Variants in CAMK2B observed in about 807,000 individuals in gnomAD.
CAMK2B encodes the protein calcium/calmodulin dependent protein kinase II beta, also known as calcium/calmodulin-dependent protein kinase type II subunit beta.
Under a neutral mutation model 93.7 loss-of-function variants are expected in CAMK2B, and 27 were observed. That is an observed-to-expected ratio of 0.29 (90% CI 0.21 to 0.40). CAMK2B has a LOEUF of 0.40. Ranked by LOEUF, CAMK2B falls within the 10% of genes least tolerant of loss-of-function variation. CAMK2B has a pLI of 1.00. For synonymous variants in CAMK2B, 374 were observed against 358.8 expected (o/e 1.04, Z -0.48); for missense variants, 568 against 895.8 (o/e 0.63, Z 4.67).
At chr7:44,310,916 C>T (rs995249711) in intron 1 of CAMK2B, among the ~76,000 whole-genome samples, 1 of 152,124 alleles carries the variant, frequency 6.6e-6, no homozygotes, top group Non-Finnish European at 1.5e-5. Flanking sequence ...GAACTGTACA[C>T]TTAAAAACGG....
At chr7:44,243,040 G>A (rs1001843784) in intron 8 of CAMK2B, among the ~76,000 whole-genome samples, 2 of 152,234 alleles carry the variant, frequency 1.3e-5, no homozygotes, top group African/African-American at 2.4e-5. Context: ...ACTGGGGTGC[G>A]CCAGGTTCAT....
At chr7:44,258,329 A>C (rs965146921) in intron 4 of CAMK2B, among the ~76,000 whole-genome samples, 2 of 152,208 alleles carry the variant, frequency 1.3e-5, no homozygotes, top group African/African-American at 4.8e-5. Flanking sequence ...TCACTCATAC[A>C]TTCACACAAT....
rs1010746689 is a variant in CAMK2B at position 44,224,145 on chromosome 7, T to A, written c.1597+2371A>T. Among the ~76,000 whole-genome samples the A allele has an allele frequency of 2.6e-5, 4 of 151,714 alleles. No homozygotes were observed. Among genetic ancestry groups the A allele is most frequent in the Non-Finnish European group, 4.4e-5 (3 of 67,906 alleles). On this transcript the variant is annotated intron_variant, in intron 20 of 23. Transcript: ENST00000395749. This position sits in a 1 kb window ranked among gnomAD's most constrained non-coding sequence, Gnocchi z 4.4. ...GCATGGTCAGAGTTCCAATCAAGAGTGGTAACCGTGCTGAAGTACGGGAAG... is the reference window on the plus strand; with the variant it reads ...GCATGGTCAGAGTTCCAATCAAGAGAGGTAACCGTGCTGAAGTACGGGAAG...
intron 13 of CAMK2B, among the ~76,000 whole-genome samples, chr7:44,234,958 C>T (rs2096611896): frequency 6.6e-6 from 1 of 152,214 alleles, no homozygotes; most frequent in African/African-American, 2.4e-5. Flanking sequence ...TGCTGGGGAG[C>T]CCCCTTGGCT....
chr7:44,241,127 G>C (rs916904686), intron 11 of CAMK2B, among the ~76,000 whole-genome samples: 1 of 152,090 alleles, frequency 6.6e-6, no homozygotes, highest in African/African-American at 2.4e-5. Flanking sequence ...TGGGGCTTCC[G>C]GGGAGAACTG....
intron 1 of CAMK2B, among the ~76,000 whole-genome samples, chr7:44,319,655 A>G (rs1795599373): frequency 6.6e-6 from 1 of 152,162 alleles, no homozygotes; most frequent in Non-Finnish European, 1.5e-5. Context: ...TTTCCTTCAC[A>G]ACAGTTGGGC....
intron 5 of CAMK2B, among the ~76,000 whole-genome samples, chr7:44,253,060 T>C (rs2096794741): frequency 6.6e-6 from 1 of 152,336 alleles, no homozygotes; most frequent in African/African-American, 2.4e-5. Flanking sequence ...CTGCTCACAC[T>C]GCCCATCAGG....
At chr7:44,261,255 G>C (rs928097982) in intron 3 of CAMK2B, among the ~76,000 whole-genome samples, 9 of 152,110 alleles carry the variant, frequency 5.9e-5, no homozygotes, top group African/African-American at 2.2e-4. Context: ...GCCCAGTTGG[G>C]GGCCCAGCAG....
intron 12 of CAMK2B, 38 bp from the exon 13 acceptor site, chr7:44,239,701 G>T (rs1445760217): frequency 6.2e-5 from 88 of 1,408,572 alleles, no homozygotes; most frequent in Non-Finnish European, 8.5e-5. Context: ...GAAGGGAGGG[G>T]TGGGCGGACA....
intron 1 of CAMK2B, among the ~76,000 whole-genome samples, chr7:44,295,626 C>T (rs985551779): frequency 2.6e-5 from 4 of 152,232 alleles, no homozygotes; most frequent in Non-Finnish European, 1.5e-5. Context: ...CCTCCAGGAG[C>T]CCTACCAGAT....
At chr7:44,289,299 G>A (rs779013914) in intron 1 of CAMK2B, among the ~76,000 whole-genome samples, 9 of 152,162 alleles carry the variant, frequency 5.9e-5, no homozygotes, top group African/African-American at 1.2e-4. Flanking sequence ...ACCTCTCCCC[G>A]GAGAGCTGGG....
chr7:44,283,425 G>A (rs1057349301), intron 2 of CAMK2B, among the ~76,000 whole-genome samples: 8 of 152,254 alleles, frequency 5.3e-5, no homozygotes, highest in African/African-American at 1.4e-4. Flanking sequence ...TGCCAGCAGG[G>A]CTCTGGAGGC....
Position 44,218,232 on chromosome 7 carries a change from CCA to C in CAMK2B, c.*1291_*1292del, listed in dbSNP as rs2096361252. 1 of 153,106 alleles carries C rather than the reference CCA, an allele frequency of 6.5e-6. No homozygotes were observed. Among genetic ancestry groups the C allele is most frequent in the African/African-American group, 2.4e-5 (1 of 41,482 alleles). 9.5% of individuals were successfully genotyped at this position (153,106 alleles called of 1,614,324 possible). On this transcript the variant is annotated 3_prime_UTR_variant, in exon 24 of 24. Transcript: ENST00000395749. Reference sequence around the variant, plus strand: ...GCTTTTGCTCCCTTCTGCTCCCGGCCCAGATTCCAAAGGCACTCCCACTTCAG... The same window carrying C: ...GCTTTTGCTCCCTTCTGCTCCCGGCCGATTCCAAAGGCACTCCCACTTCAG...
chr7:44,325,336 C>A, intron 1 of CAMK2B, 21 bp downstream of exon 1: 2 of 1,225,442 alleles, frequency 1.6e-6, no homozygotes, highest in African/African-American at 1.6e-5. Context: ...CGGCCCAGCC[C>A]GCGCGCGCCG....
At chr7:44,222,302 C>G (rs2096418098) in intron 20 of CAMK2B, among the ~76,000 whole-genome samples, 1 of 152,232 alleles carries the variant, frequency 6.6e-6, no homozygotes, top group Admixed American at 6.5e-5. Context: ...TGCCCTCAAA[C>G]AGCTGCCCGC....
rs1292577495 is a variant in CAMK2B, at chr7:44,240,732, G to C, written c.921C>G (p.Thr307=). ...RRKLKGAILT[T]MLATRNFSVG... is the part of the protein sequence containing the mutation. ...CTGAGAAATTCCGTGTGGCCAGCATGGTGGTGAGGATGGCTCCCTGGGGAG... is the reference window on the plus strand; with the variant it reads ...CTGAGAAATTCCGTGTGGCCAGCATCGTGGTGAGGATGGCTCCCTGGGGAG... The change falls in exon 12 of 24, where the codon ACC becomes ACG. Residue 307 remains threonine, a synonymous_variant. Transcript: ENST00000395749. 1 of 1,613,990 alleles carries C rather than the reference G, an allele frequency of 6.2e-7. No homozygotes were observed. The highest frequency in any genetic ancestry group is 2.2e-5 in the East Asian group (1 of 44,876).
intron 3 of CAMK2B, among the ~76,000 whole-genome samples, chr7:44,262,153 G>A (rs1228290473): frequency 6.6e-6 from 1 of 152,258 alleles, no homozygotes; most frequent in Non-Finnish European, 1.5e-5. Context: ...CCAGGTGAGT[G>A]TGTGGATGCC....
At chr7:44,298,283 T>C (rs1788867904) in intron 1 of CAMK2B, among the ~76,000 whole-genome samples, 1 of 152,188 alleles carries the variant, frequency 6.6e-6, no homozygotes, top group African/African-American at 2.4e-5. Flanking sequence ...GGTTATTCAA[T>C]GAAGAAAGGA....
chr7:44,294,231 C>A (rs540112617), intron 1 of CAMK2B, among the ~76,000 whole-genome samples: 1 of 152,288 alleles, frequency 6.6e-6, no homozygotes, highest in Admixed American at 6.5e-5. Context: ...CATCAGATGC[C>A]CCTGTCTGTG....
Sources: allele counts gnomAD v4.1 joint callset (sites outside exome capture counted in the v4.1 genomes callset), GRCh38; gene constraint gnomAD v4.1.1; non-coding constraint Gnocchi (gnomAD v3.1); transcripts MANE v1.5; gene names NCBI Gene and HGNC (gene_info 2026-07-23, HGNC 2026-07-21).